The following RBPMS variants were observed in gnomAD, a reference collection of about 807,000 sequenced individuals.
RBPMS encodes RNA binding protein, mRNA processing factor.
RBPMS carries 7 observed loss-of-function variants against 26.8 expected under a neutral mutation model. The observed-to-expected ratio is 0.26, with a 90% CI of 0.15 to 0.49. The LOEUF (loss-of-function observed/expected upper bound fraction) is 0.49, where lower values mean the gene tolerates loss of function less well. Ranked by LOEUF, RBPMS falls within the 20% of genes least tolerant of loss-of-function variation. The pLI, the probability that RBPMS is intolerant of heterozygous loss-of-function variation, is 0.98. For synonymous variants in RBPMS, 96 were observed against 93.3 expected (o/e 1.03, Z -0.17); for missense variants, 186 against 250.0 (o/e 0.74, Z 1.73).
intron 1 of RBPMS, among the ~76,000 whole-genome samples, chr8:30,410,533 G>A (rs1372678604): frequency 6.6e-6 from 1 of 151,398 alleles, no homozygotes; most frequent in Non-Finnish European, 1.5e-5. Context: ...ATATTTCTGG[G>A]TGACTTTAAA....
chr8:30,545,706 G>A (rs1825812315), intron 6 of RBPMS: 1 of 152,408 alleles, frequency 6.6e-6, no homozygotes. Flanking sequence ...CCCCCAGCGA[G>A]GGTTCTTGAA....
In RBPMS at chr8:30,558,021, C is replaced by T. The variant is rs1275658371; in HGVS notation, c.529-866C>T. ...CTGGGATTACAGGCATGCATGCCCA[C>T]GCCCAGCTAATTTTGTATTTTTAGT... is the stretch of plus-strand genomic sequence containing the variant. On this transcript the variant is annotated intron_variant, in intron 6 of 8. Transcript: ENST00000397323. Among the ~76,000 whole-genome samples, 4 of 152,334 alleles carry T rather than the reference C, an allele frequency of 2.6e-5. No homozygotes were observed. In the East Asian group the frequency reaches 5.8e-4, roughly 22 times the overall value.
chr8:30,453,494 T>TG (rs1342537281), intron 1 of RBPMS, among the ~76,000 whole-genome samples: 40 of 152,180 alleles, frequency 2.6e-4, no homozygotes, highest in Admixed American at 8.5e-4. Context: ...TTGGAAATTG[T>TG]GGGGGTGTCT....
At chr8:30,475,859 C>T (rs1817634242) in intron 2 of RBPMS, among the ~76,000 whole-genome samples, 1 of 152,102 alleles carries the variant, frequency 6.6e-6, no homozygotes, top group South Asian at 2.1e-4. Context: ...CGCTTTAATG[C>T]AACAATAATG....
intron 1 of RBPMS, among the ~76,000 whole-genome samples, chr8:30,421,876 A>T (rs1810831276): frequency 6.6e-6 from 1 of 151,574 alleles, no homozygotes; most frequent in Admixed American, 6.6e-5. Context: ...AATTGCTTGA[A>T]CCCGGGAGGC....
intron 1 of RBPMS, among the ~76,000 whole-genome samples, chr8:30,456,908 G>A (rs927599247): frequency 3.3e-5 from 5 of 152,314 alleles, no homozygotes; most frequent in South Asian, 4.1e-4. Flanking sequence ...AAGACAGAGC[G>A]AGACTCCATC....
chr8:30,448,221 T>C (rs909996800), intron 1 of RBPMS, among the ~76,000 whole-genome samples: 1 of 152,248 alleles, frequency 6.6e-6, no homozygotes, highest in Non-Finnish European at 1.5e-5. Flanking sequence ...ATTAGCTGTA[T>C]GTTGGGTAAG....
At chr8:30,534,626 G>A (rs1331789888) in intron 5 of RBPMS, among the ~76,000 whole-genome samples, 1 of 152,174 alleles carries the variant, frequency 6.6e-6, no homozygotes, top group East Asian at 1.9e-4. Context: ...CAGACACACA[G>A]CTTCATTCTG....
chr8:30,546,716 A>T (rs1038226138), intron 6 of RBPMS, among the ~76,000 whole-genome samples: 2 of 152,210 alleles, frequency 1.3e-5, no homozygotes, highest in Non-Finnish European at 2.9e-5. Flanking sequence ...GTTTGGAGTC[A>T]TTCCCAGTGC....
chr8:30,436,886 CCTTT>C (rs1812509473), intron 1 of RBPMS, among the ~76,000 whole-genome samples: 1 of 151,382 alleles, frequency 6.6e-6, no homozygotes, highest in Non-Finnish European at 1.5e-5. Context: ...AAATATTGAA[CCTTT>C]ACGTGTTTAC....
chr8:30,479,203 A>G (rs770668980), intron 3 of RBPMS, 112 bp from the exon 4 acceptor site: 7 of 771,646 alleles, frequency 9.1e-6, no homozygotes, highest in East Asian at 7.7e-5. Context: ...ATTTCTGCCC[A>G]TTGCCTGTGG....
intron 1 of RBPMS, among the ~76,000 whole-genome samples, chr8:30,408,481 A>G (rs1253144739): frequency 6.6e-6 from 1 of 152,142 alleles, no homozygotes; most frequent in Non-Finnish European, 1.5e-5. Context: ...GTGGGCCAAA[A>G]TCATACCACT....
chr8:30,508,408 G>T (rs896112448), intron 5 of RBPMS, among the ~76,000 whole-genome samples: 1 of 152,144 alleles, frequency 6.6e-6, no homozygotes, highest in East Asian at 1.9e-4. Flanking sequence ...TACTAGTTTT[G>T]TAAGTTTGGT....
chr8:30,479,810 A>G (rs985772756), intron 4 of RBPMS, among the ~76,000 whole-genome samples: 23 of 59,280 alleles, frequency 3.9e-4, no homozygotes, highest in African/African-American at 1.5e-3. Context: ...GATATGCAGC[A>G]TTAAAAAAAA....
intron 8 of RBPMS, among the ~76,000 whole-genome samples, chr8:30,568,150 A>G (rs892503394): frequency 2.0e-5 from 3 of 152,224 alleles, no homozygotes; most frequent in Admixed American, 1.3e-4. Context: ...GATGAAGCTG[A>G]CAGGTATTAA....
intron 1 of RBPMS, among the ~76,000 whole-genome samples, chr8:30,410,487 C>T (rs1809236308): frequency 6.6e-6 from 1 of 152,056 alleles, no homozygotes; most frequent in African/African-American, 2.4e-5. Flanking sequence ...GGACTACAGA[C>T]AAGAGCCACC....
intron 1 of RBPMS, among the ~76,000 whole-genome samples, chr8:30,433,678 C>A (rs1317834855): frequency 1.7e-4 from 25 of 151,074 alleles, no homozygotes; most frequent in Admixed American, 1.5e-3. Flanking sequence ...GTCTTAAAGA[C>A]AAAAAAAGAA....
intron 5 of RBPMS, among the ~76,000 whole-genome samples, chr8:30,540,700 A>G (rs1369925715): frequency 2.0e-5 from 3 of 152,164 alleles, no homozygotes; most frequent in Non-Finnish European, 4.4e-5. Context: ...GAGCACTGGG[A>G]TCACAGGTGT....
At chr8:30,409,876 C>T (rs964238673) in intron 1 of RBPMS, among the ~76,000 whole-genome samples, 20 of 152,168 alleles carry the variant, frequency 1.3e-4, no homozygotes, top group South Asian at 2.1e-4. Context: ...TGTGATCTGC[C>T]CACCTTGGCC....
Sources: allele counts gnomAD v4.1 joint callset (sites outside exome capture counted in the v4.1 genomes callset), GRCh38; gene constraint gnomAD v4.1.1; transcripts MANE v1.5; gene names NCBI Gene and HGNC (gene_info 2026-07-23, HGNC 2026-07-21).